GRIA2: variants seen among roughly 807,000 people sequenced by gnomAD.
GRIA2 encodes the protein glutamate ionotropic receptor AMPA type subunit 2, also known as glutamate receptor 2.
A neutral mutation model predicts 97.3 loss-of-function variants in GRIA2; 14 were observed. The observed-to-expected ratio is 0.14, with a 90% CI of 0.10 to 0.23. GRIA2 has a LOEUF of 0.23. GRIA2 is among the 10% of genes least tolerant of loss of function. The pLI, the probability that GRIA2 is intolerant of heterozygous loss-of-function variation, is 1.00. For missense variants in GRIA2, 558 were observed against 1,069.8 expected (o/e 0.52, Z 6.67); for synonymous variants, 412 against 387.8 (o/e 1.06, Z -0.73).
chr4:157,320,635 C>T (rs1734520298), intron 5 of GRIA2, among the ~76,000 whole-genome samples: 1 of 151,918 alleles, frequency 6.6e-6, no homozygotes, highest in African/African-American at 2.4e-5. Context: ...AAAGATTCTC[C>T]TAAGTTTTGG....
intron 12 of GRIA2, among the ~76,000 whole-genome samples, chr4:157,353,521 A>T (rs1271212974): frequency 2.0e-5 from 3 of 151,592 alleles, no homozygotes; most frequent in African/African-American, 4.8e-5. Context: ...ATAATAAAAA[A>T]AAAAATTAGC....
intron 2 of GRIA2, among the ~76,000 whole-genome samples, chr4:157,226,666 A>G (rs1033926299): frequency 3.9e-5 from 6 of 152,058 alleles, no homozygotes; most frequent in Admixed American, 6.5e-5. Context: ...TTCTGTGTGT[A>G]TGTATTTATA....
intron 2 of GRIA2, among the ~76,000 whole-genome samples, chr4:157,280,663 A>G (rs1054187955): frequency 6.6e-6 from 1 of 151,882 alleles, no homozygotes; most frequent in Non-Finnish European, 1.5e-5. Context: ...CAAGAAGGCT[A>G]GACTCGACTT....
In GRIA2 at chr4:157,341,268, C is replaced by A; in HGVS notation, c.1849C>A (p.Leu617Ile). ...QQGCDISPRS[L>I]SGRIVGGVWW... Reference sequence around the variant, plus strand: ...CCATTTCATACTTGTTATTAGATCCCTCTCTGGGCGCATTGTTGGAGGTGT... The same window carrying A: ...CCATTTCATACTTGTTATTAGATCCATCTCTGGGCGCATTGTTGGAGGTGT... The change falls in exon 12 of 16, where the codon CTC becomes ATC. Residue 617 changes from leucine to isoleucine, a missense_variant. Transcript: ENST00000264426. 6.2e-7 allele frequency: 1 copy of A among 1,608,098 alleles called. No individual in the cohort carries two copies. The highest frequency in any genetic ancestry group is 8.5e-7 in the Non-Finnish European group (1 of 1,174,962).
intron 2 of GRIA2, among the ~76,000 whole-genome samples, chr4:157,257,976 T>C (rs2126760569): frequency 6.6e-6 from 1 of 152,262 alleles, no homozygotes; most frequent in African/African-American, 2.4e-5. Flanking sequence ...ATTGTGAAGA[T>C]TTCATGGACA....
At chr4:157,308,190 A>G (rs956715097) in intron 3 of GRIA2, among the ~76,000 whole-genome samples, 2 of 152,188 alleles carry the variant, frequency 1.3e-5, no homozygotes, top group African/African-American at 2.4e-5. Context: ...TGGCTTGTCT[A>G]TAACTCAGAG....
chr4:157,273,001 T>G (rs1407398524), intron 2 of GRIA2, among the ~76,000 whole-genome samples: 1 of 151,948 alleles, frequency 6.6e-6, no homozygotes, highest in Non-Finnish European at 1.5e-5. Context: ...TCCACATCCA[T>G]GGATTCAACC....
At chr4:157,308,370 T>A (rs558008051) in intron 3 of GRIA2, among the ~76,000 whole-genome samples, 11 of 152,356 alleles carry the variant, frequency 7.2e-5, no homozygotes, top group Middle Eastern at 3.4e-3. Context: ...AATCTAGCCA[T>A]TTTTTATTTT....
intron 2 of GRIA2, among the ~76,000 whole-genome samples, chr4:157,277,838 A>ATATATGTATATATG (rs1553951548): frequency 2.8e-5 from 4 of 142,414 alleles, no homozygotes; most frequent in African/African-American, 1.0e-4. Context: ...ATATATGTAT[A>ATATATGTATATATG]TATATATGTA....
At chr4:157,233,005 A>G (rs1191898475) in intron 2 of GRIA2, among the ~76,000 whole-genome samples, 2 of 152,210 alleles carry the variant, frequency 1.3e-5, no homozygotes, top group African/African-American at 4.8e-5. Flanking sequence ...GCACAAGTAC[A>G]TAAAATTAGC....
chr4:157,248,998 T>G (rs1730905846), intron 2 of GRIA2, among the ~76,000 whole-genome samples: 1 of 151,558 alleles, frequency 6.6e-6, no homozygotes, highest in African/African-American at 2.4e-5. Context: ...ACACCACACC[T>G]GATTAATTTT....
intron 2 of GRIA2, among the ~76,000 whole-genome samples, chr4:157,288,728 G>A (rs2126830337): frequency 6.6e-6 from 1 of 151,888 alleles, no homozygotes; most frequent in South Asian, 2.1e-4. Flanking sequence ...ATTCAGATAG[G>A]TGGTTATGTC....
chr4:157,312,778 A>T lies in GRIA2; in HGVS notation c.569A>T (p.Glu190Val). The change falls in exon 4 of 16, where the codon GAG (glutamate) becomes GTG (valine). Residue 190 changes from glutamate to valine, a missense_variant. By Grantham distance (121) the Glu-to-Val change is moderately radical. Transcript: ENST00000264426. Reference sequence around the variant, plus strand: ...AACATTAACAATGACAAGAAAGATGAGATGTACCGATCACTTTTTCAAGAT... The same window carrying T: ...AACATTAACAATGACAAGAAAGATGTGATGTACCGATCACTTTTTCAAGAT... The part of the protein sequence containing the change: ...VGNINNDKKD[E>V]MYRSLFQDLE... 1 of 1,609,224 alleles carries T rather than the reference A, an allele frequency of 6.2e-7. No homozygotes were observed. The highest frequency in any genetic ancestry group is 2.2e-5 in the East Asian group (1 of 44,786).
chr4:157,233,414 C>T (rs909547321), intron 2 of GRIA2, among the ~76,000 whole-genome samples: 11 of 152,006 alleles, frequency 7.2e-5, no homozygotes, highest in African/African-American at 2.7e-4. Context: ...GAACTGAGCA[C>T]ATTATGGATT....
chr4:157,225,823 T>C (rs1338740039), intron 2 of GRIA2, among the ~76,000 whole-genome samples: 1 of 151,900 alleles, frequency 6.6e-6, no homozygotes, highest in Non-Finnish European at 1.5e-5. Flanking sequence ...TTTGTGAAAA[T>C]AGTAACTTTC....
At chr4:157,276,442 A>G (rs2126801562) in intron 2 of GRIA2, among the ~76,000 whole-genome samples, 1 of 152,148 alleles carries the variant, frequency 6.6e-6, no homozygotes, top group Non-Finnish European at 1.5e-5. Context: ...AAAAAGTAAA[A>G]TCAATACTCC....
chr4:157,351,913 T>A (rs915709761), intron 12 of GRIA2, among the ~76,000 whole-genome samples: 1 of 152,230 alleles, frequency 6.6e-6, no homozygotes, highest in Admixed American at 6.5e-5. Flanking sequence ...ATTAAACTTC[T>A]TCCCTTTATA....
At chr4:157,262,129 T>A (rs538376378) in intron 2 of GRIA2, among the ~76,000 whole-genome samples, 1 of 152,212 alleles carries the variant, frequency 6.6e-6, no homozygotes, top group Non-Finnish European at 1.5e-5. Context: ...AATTGTCTTC[T>A]ATATTTTGGT....
chr4:157,268,141 C>A (rs760056623), intron 2 of GRIA2, among the ~76,000 whole-genome samples: 1 of 151,948 alleles, frequency 6.6e-6, no homozygotes, highest in Non-Finnish European at 1.5e-5. Context: ...GATTCATAAA[C>A]GAGACAGGTC....
Sources: allele counts gnomAD v4.1 joint callset (sites outside exome capture counted in the v4.1 genomes callset), GRCh38; gene constraint gnomAD v4.1.1; transcripts MANE v1.5; gene names NCBI Gene and HGNC (gene_info 2026-07-23, HGNC 2026-07-21).